Variants in PCDHGA11 observed in about 807,000 individuals in gnomAD.
PCDHGA11 encodes protocadherin gamma-A11.
A neutral mutation model predicts 60.4 loss-of-function variants in PCDHGA11; 39 were observed. The ratio of observed to expected loss-of-function variants is 0.65; its 90% CI spans 0.50 to 0.84. The LOEUF is 0.84. PCDHGA11 is among the 40% of genes least tolerant of loss of function. The pLI is 0.00. For missense variants in PCDHGA11, 1,165 were observed against 1,197.7 expected, an observed-to-expected ratio of 0.97 and a Z score of 0.40; for synonymous variants, 533 against 510.3, an observed-to-expected ratio of 1.04 and a Z score of -0.60.
intron 1 of PCDHGA11, among the ~76,000 whole-genome samples, chr5:141,436,010 A>G (rs1188507054): frequency 6.6e-6 from 1 of 152,168 alleles, no homozygotes; most frequent in Non-Finnish European, 1.5e-5. Context: ...AAGTATTTGA[A>G]TTTATCTAAA....
chr5:141,478,415 C>T, intron 1 of PCDHGA11: 1 of 1,613,648 alleles, frequency 6.2e-7, no homozygotes, highest in Non-Finnish European at 8.5e-7. Flanking sequence ...CACGGACTCC[C>T]GCCGCAGCGA....
At position 141,431,823 on chromosome 5, in the gene PCDHGA11, CG is replaced by C. The variant is rs754257436; in HGVS notation, c.2433+8165del. ...GTGGTCCTCACCTCTCTCGCCAGCTCGGTTCCCGAAAACTCTCCCAGAGGGA... is the reference window on the plus strand; with the variant it reads ...GTGGTCCTCACCTCTCTCGCCAGCTCGTTCCCGAAAACTCTCCCAGAGGGA... On this transcript the variant is annotated intron_variant, in intron 1 of 3. Transcript: ENST00000398587. The surrounding 1 kb of genome is among the most constrained non-coding windows in gnomAD (Gnocchi z 4.8). 2.5e-6 allele frequency: 4 copies of C among 1,614,142 alleles called. No homozygotes were observed. In the East Asian group the frequency reaches 8.9e-5, roughly 36 times the overall value.
At position 141,485,135 on chromosome 5, in the gene PCDHGA11, G is replaced by A; in HGVS notation, c.2434-9672G>A. 6.7e-7 allele frequency: 1 copy of A among 1,500,498 alleles called. No individual in the cohort carries two copies. Among genetic ancestry groups the A allele is most frequent in the East Asian group, 2.3e-5 (1 of 44,254 alleles). 92.9% of individuals were successfully genotyped at this position (1,500,498 alleles called of 1,614,324 possible). A position where few individuals can be genotyped will look rare whatever the true frequency, so the allele number is the denominator to read the frequency against. On this transcript the variant is annotated intron_variant, in intron 1 of 3. Coordinates refer to ENST00000398587, the MANE Select transcript of PCDHGA11 (RefSeq NM_018914.3). The surrounding 1 kb of genome is among the most constrained non-coding windows in gnomAD (Gnocchi z 5.7). ...TGTTTGGGGCGGGTCGGCTTCATCCGCGTCTCAGGAGCAAGTAGAGAATTA... is the reference window on the plus strand; with the variant it reads ...TGTTTGGGGCGGGTCGGCTTCATCCACGTCTCAGGAGCAAGTAGAGAATTA...
At chr5:141,501,326 CACACA>C (rs2099807944) in intron 2 of PCDHGA11, among the ~76,000 whole-genome samples, 1 of 151,784 alleles carries the variant, frequency 6.6e-6, no homozygotes, top group Non-Finnish European at 1.5e-5. Flanking sequence ...CACACACACA[CACACA>C]CACCCCAAAC....
chr5:141,480,457 G>GT (rs1309116577), intron 1 of PCDHGA11, among the ~76,000 whole-genome samples: 4 of 152,060 alleles, frequency 2.6e-5, no homozygotes, highest in Non-Finnish European at 5.9e-5. Flanking sequence ...ATTTTTATTA[G>GT]TTCCTCACTC....
chr5:141,468,067 G>A (rs560511893), intron 1 of PCDHGA11, among the ~76,000 whole-genome samples: 34 of 152,032 alleles, frequency 2.2e-4, no homozygotes, highest in Non-Finnish European at 4.0e-4. Flanking sequence ...GCTCACACCT[G>A]TAATCCCAGC....
At chr5:141,481,811 G>T (rs1050821120) in intron 1 of PCDHGA11, among the ~76,000 whole-genome samples, 3 of 151,892 alleles carry the variant, frequency 2.0e-5, no homozygotes, top group Admixed American at 1.3e-4. Flanking sequence ...AATTCACCAG[G>T]CGTGGTGGCT....
intron 1 of PCDHGA11, among the ~76,000 whole-genome samples, chr5:141,425,048 T>C (rs1590618422): frequency 6.6e-6 from 1 of 152,350 alleles, no homozygotes; most frequent in African/African-American, 2.4e-5. Flanking sequence ...AAACTGACTA[T>C]CTAGGGCTCG....
Position 141,485,063 on chromosome 5 carries a change from A to C in PCDHGA11, c.2434-9744A>C. On this transcript the variant is annotated intron_variant, in intron 1 of 3. Transcript: ENST00000398587. This position sits in a 1 kb window ranked among gnomAD's most constrained non-coding sequence, Gnocchi z 5.7. ...CTTGCGGCGCCGGCCGAACCGCGCC[A>C]GAGCTGGCGCGGGGAAAGGGAGATA... is the stretch of plus-strand genomic sequence containing the variant. 2 of 874,986 alleles carry C rather than the reference A, an allele frequency of 2.3e-6. No individual in the cohort carries two copies. Among genetic ancestry groups the C allele is most frequent in the Non-Finnish European group, 3.6e-6 (2 of 551,278 alleles). 54.2% of individuals were successfully genotyped at this position (874,986 alleles called of 1,614,324 possible).
At chr5:141,441,764 C>T (rs1407504024) in intron 1 of PCDHGA11, 1 of 384,478 alleles carries the variant, frequency 2.6e-6, no homozygotes, top group South Asian at 2.1e-5. Context: ...TGAGCCTGCG[C>T]GTGTTGGTGG....
Position 141,485,190 on chromosome 5 carries a change from G to C in PCDHGA11, c.2434-9617G>C. 6.2e-7 allele frequency: 1 copy of C among 1,613,920 alleles called. No individual in the cohort carries two copies. Among genetic ancestry groups the C allele is most frequent in the Non-Finnish European group, 8.5e-7 (1 of 1,179,788 alleles). Reference sequence around the variant, plus strand: ...GCGGCAGCAATGCTCCGCAAGGTGAGAAGCTGGACAGAAATCTGGCGGTGG... The same window carrying C: ...GCGGCAGCAATGCTCCGCAAGGTGACAAGCTGGACAGAAATCTGGCGGTGG... On this transcript the variant is annotated intron_variant, in intron 1 of 3. Coordinates refer to ENST00000398587, the MANE Select transcript of PCDHGA11 (RefSeq NM_018914.3). This position sits in a 1 kb window ranked among gnomAD's most constrained non-coding sequence, Gnocchi z 5.7.
At chr5:141,423,926 T>C (rs925790302) in intron 1 of PCDHGA11, 2 of 1,245,276 alleles carry the variant, frequency 1.6e-6, no homozygotes, top group Non-Finnish European at 2.0e-6. Flanking sequence ...CTATGCTGGT[T>C]TGGTTTGAAG....
At chr5:141,463,418 C>A (rs1442067485) in intron 1 of PCDHGA11, among the ~76,000 whole-genome samples, 3 of 138,240 alleles carry the variant, frequency 2.2e-5, no homozygotes, top group Admixed American at 7.4e-5. Context: ...TCCTAGTTTG[C>A]GGATCCTCAT....
At position 141,454,320 on chromosome 5, in the gene PCDHGA11, C is replaced by T. The variant is rs140074578; in HGVS notation, c.2433+30660C>T. ...CAGATATTTCAAAGCATTGAAACCTCCAAGAATAAATAAAATGTTGGAAGT... is the reference window on the plus strand; with the variant it reads ...CAGATATTTCAAAGCATTGAAACCTTCAAGAATAAATAAAATGTTGGAAGT... On this transcript the variant is annotated intron_variant, in intron 1 of 3. Coordinates refer to ENST00000398587, the MANE Select transcript of PCDHGA11 (RefSeq NM_018914.3). Among the ~76,000 whole-genome samples, 592 of 152,266 alleles carry T rather than the reference C, an allele frequency of 3.9e-3. 6 individuals are homozygous for T. Among genetic ancestry groups the T allele is most frequent in the Admixed American group, 0.011 (171 of 15,288 alleles).
intron 2 of PCDHGA11, among the ~76,000 whole-genome samples, chr5:141,495,270 G>C (rs1428903664): frequency 1.3e-5 from 2 of 152,178 alleles, no homozygotes; most frequent in Non-Finnish European, 2.9e-5. Context: ...GCATTTGACC[G>C]GAGGAGGCGG....
chr5:141,455,550 G>C lies in PCDHGA11; in HGVS notation c.2433+31890G>C, dbSNP rs1195359804. On this transcript the variant is annotated intron_variant, in intron 1 of 3. Transcript: ENST00000398587. ...ACCAGGCATATCATTCACGTAGCCC[G>C]AGAAAAAGCTGGCCCTCCCACCCCA... 2.0e-5 allele frequency among the ~76,000 whole-genome samples: 3 copies of C among 152,138 alleles called. No individual in the cohort carries two copies. In the South Asian group the frequency reaches 6.2e-4, roughly 32 times the overall value.
chr5:141,453,364 G>A (rs921978865), intron 1 of PCDHGA11, among the ~76,000 whole-genome samples: 4 of 151,814 alleles, frequency 2.6e-5, no homozygotes, highest in African/African-American at 9.7e-5. Flanking sequence ...GAACTCCTGG[G>A]GTCAAGTGAT....
At chr5:141,473,809 A>C (rs1230574978) in intron 1 of PCDHGA11, among the ~76,000 whole-genome samples, 2 of 152,242 alleles carry the variant, frequency 1.3e-5, no homozygotes, top group East Asian at 3.8e-4. Flanking sequence ...ACTGAGGAGC[A>C]GCTGGACAAT....
chr5:141,491,178 C>T lies in PCDHGA11; in HGVS notation c.2434-3629C>T, dbSNP rs774139827. 6.2e-7 allele frequency: 1 copy of T among 1,614,146 alleles called. No individual in the cohort carries two copies. The highest frequency in any genetic ancestry group is 8.5e-7 in the Non-Finnish European group (1 of 1,179,992). On this transcript the variant is annotated intron_variant, in intron 1 of 3. Coordinates refer to ENST00000398587, the MANE Select transcript of PCDHGA11 (RefSeq NM_018914.3). The surrounding 1 kb of genome is among the most constrained non-coding windows in gnomAD (Gnocchi z 6.9). ...ACTCTGACACCCAGCAGGTGGTGGT[C>T]CTGGTGAGGGACAATGGTGACCCTT...
Sources: allele counts gnomAD v4.1 joint callset (sites outside exome capture counted in the v4.1 genomes callset), GRCh38; gene constraint gnomAD v4.1.1; non-coding constraint Gnocchi (gnomAD v3.1); transcripts MANE v1.5; gene names NCBI Gene and HGNC (gene_info 2026-07-23, HGNC 2026-07-21).